Variants in FAR2 observed in about 807,000 individuals in gnomAD.
FAR2 encodes the protein fatty acyl-CoA reductase 2, also known as epididymis secretory protein Li 81.
In FAR2, 19 loss-of-function variants were observed where a neutral mutation model predicts 56.0. The ratio of observed to expected loss-of-function variants is 0.34; its 90% CI spans 0.24 to 0.50. The LOEUF (loss-of-function observed/expected upper bound fraction) is 0.50. Among genes scored for constraint, FAR2 ranks in the 20% least tolerant of loss-of-function variants. FAR2 has a pLI of 0.98. For missense variants in FAR2, 508 were observed against 642.2 expected (o/e 0.79, Z 2.26); for synonymous variants, 219 against 218.8 (o/e 1.00, Z -0.01).
intron 1 of FAR2, among the ~76,000 whole-genome samples, chr12:29,166,885 G>T (rs572904289): frequency 1.3e-4 from 20 of 152,040 alleles, no homozygotes; most frequent in African/African-American, 4.6e-4. Context: ...AACTCCCCAC[G>T]ATCCCTGCCC....
rs142656263 is a variant in FAR2 at position 29,166,546 on chromosome 12, T to A, written c.-39+17139T>A. 1.8e-3 allele frequency among the ~76,000 whole-genome samples: 281 copies of A among 152,336 alleles called. 2 individuals are homozygous for A. Among genetic ancestry groups the A allele is most frequent in the African/African-American group, 6.6e-3 (275 of 41,570 alleles). Reference sequence around the variant, plus strand: ...CACCTCCAGATTATTCCCTGATATTTATCAAATATGTGGCTCACATATGTC... The same window carrying A: ...CACCTCCAGATTATTCCCTGATATTAATCAAATATGTGGCTCACATATGTC... On this transcript the variant is annotated intron_variant, in intron 1 of 11. Coordinates refer to ENST00000536681, the MANE Select transcript of FAR2 (RefSeq NM_001271783.2).
intron 1 of FAR2, among the ~76,000 whole-genome samples, chr12:29,159,650 G>C (rs183147961): frequency 6.6e-6 from 1 of 152,182 alleles, no homozygotes; most frequent in South Asian, 2.1e-4. Context: ...AGGCTTGGGG[G>C]TTATTAGCTT....
chr12:29,297,231 C>T (rs369219922), intron 4 of FAR2, 31 bp downstream of exon 4: 117 of 1,574,028 alleles, frequency 7.4e-5, no homozygotes, highest in African/African-American at 2.7e-5. Context: ...GATCAAGGGG[C>T]GGGTAGAATA....
intron 1 of FAR2, among the ~76,000 whole-genome samples, chr12:29,157,658 C>A (rs2136574478): frequency 6.6e-6 from 1 of 152,146 alleles, no homozygotes; most frequent in Middle Eastern, 3.4e-3. Context: ...ATAAAAACAC[C>A]CCACATTTTA....
At chr12:29,301,833 G>A (rs1949169760) in intron 4 of FAR2, 1 of 152,174 alleles carries the variant, frequency 6.6e-6, no homozygotes, top group Non-Finnish European at 1.5e-5. Flanking sequence ...AAATGGCTAA[G>A]TAACTCCTTG....
chr12:29,312,211 A>G (rs1324349981), intron 8 of FAR2, among the ~76,000 whole-genome samples: 1 of 152,158 alleles, frequency 6.6e-6, no homozygotes, highest in East Asian at 1.9e-4. Flanking sequence ...AAATGATGAA[A>G]CAAAGCAAAA....
intron 5 of FAR2, 177 bp downstream of exon 5, chr12:29,308,012 C>G: frequency 1.7e-6 from 1 of 591,000 alleles, no homozygotes; most frequent in South Asian, 2.4e-5. Flanking sequence ...ATTTACCCAG[C>G]ATGTGGCTCC....
intron 10 of FAR2, 27 bp downstream of exon 10, chr12:29,321,951 A>T (rs1949559941): frequency 6.3e-7 from 1 of 1,589,560 alleles, no homozygotes; most frequent in East Asian, 2.3e-5. Flanking sequence ...CTTAAGCACC[A>T]GGAAAATGCT....
At chr12:29,308,668 C>T (rs1949293095) in intron 5 of FAR2, among the ~76,000 whole-genome samples, 1 of 140,438 alleles carries the variant, frequency 7.1e-6, no homozygotes, top group South Asian at 2.2e-4. Context: ...TTAAGTAAGT[C>T]AATATACACA....
At chr12:29,282,424 C>A (rs1371214158) in intron 2 of FAR2, 1 of 152,128 alleles carries the variant, frequency 6.6e-6, no homozygotes, top group Non-Finnish European at 1.5e-5. Context: ...TTAACTTTAA[C>A]GAGTTTGACA....
chr12:29,194,287 C>T (rs953792959), intron 1 of FAR2, among the ~76,000 whole-genome samples: 10 of 152,120 alleles, frequency 6.6e-5, no homozygotes, highest in African/African-American at 2.4e-4. Flanking sequence ...GAAATTCAGT[C>T]TCAGCATCAT....
At chr12:29,151,933 C>CT (rs1305430101) in intron 1 of FAR2, 1 of 152,176 alleles carries the variant, frequency 6.6e-6, no homozygotes, top group African/African-American at 2.4e-5. Flanking sequence ...AAGGGTTAAA[C>CT]TTTGCCCTCC....
intron 1 of FAR2, among the ~76,000 whole-genome samples, chr12:29,184,627 G>T (rs1338981523): frequency 6.6e-6 from 1 of 151,674 alleles, no homozygotes; most frequent in African/African-American, 2.4e-5. Flanking sequence ...AGTAGAGACA[G>T]GGTTTCACCA....
chr12:29,220,631 T>G (rs1289974625), intron 1 of FAR2, among the ~76,000 whole-genome samples: 2 of 152,128 alleles, frequency 1.3e-5, no homozygotes, highest in Admixed American at 6.5e-5. Context: ...CATCAACATT[T>G]TCTCTCATTG....
At chr12:29,239,888 A>G (rs1382149831) in intron 1 of FAR2, among the ~76,000 whole-genome samples, 1 of 152,180 alleles carries the variant, frequency 6.6e-6, no homozygotes, top group Non-Finnish European at 1.5e-5. Context: ...ATAGCTTTCC[A>G]TGTTTTAAAA....
chr12:29,159,985 G>A (rs1427137108), intron 1 of FAR2, among the ~76,000 whole-genome samples: 1 of 152,104 alleles, frequency 6.6e-6, no homozygotes, highest in Non-Finnish European at 1.5e-5. Context: ...ATTTCTGGAG[G>A]CAAGATCAAA....
At chr12:29,279,465 T>C (rs1948752184) in intron 2 of FAR2, among the ~76,000 whole-genome samples, 2 of 152,362 alleles carry the variant, frequency 1.3e-5, no homozygotes, top group South Asian at 2.1e-4. Context: ...CTTCCATTTA[T>C]TGTAATCTAG....
intron 1 of FAR2, among the ~76,000 whole-genome samples, chr12:29,221,011 C>A (rs1023312261): frequency 1.3e-5 from 2 of 152,100 alleles, no homozygotes; most frequent in African/African-American, 4.8e-5. Flanking sequence ...TTGGGAGGGG[C>A]TACTGGCGCA....
intron 7 of FAR2, 136 bp from the exon 8 acceptor site, chr12:29,311,747 C>G (rs1043834702): frequency 2.7e-5 from 16 of 583,210 alleles, no homozygotes; most frequent in Non-Finnish European, 4.8e-5. Flanking sequence ...AAAGAATGAA[C>G]GATGGAAGCC....
Sources: allele counts gnomAD v4.1 joint callset (sites outside exome capture counted in the v4.1 genomes callset), GRCh38; gene constraint gnomAD v4.1.1; transcripts MANE v1.5; gene names NCBI Gene and HGNC (gene_info 2026-07-23, HGNC 2026-07-21).